The following MBNL1 variants were observed in gnomAD, a reference collection of about 807,000 sequenced individuals.
MBNL1 encodes muscleblind-like protein 1.
Under a neutral mutation model 42.2 loss-of-function variants are expected in MBNL1, and 8 were observed. The observed-to-expected ratio is 0.19, with a 90% confidence interval of 0.11 to 0.34. The LOEUF is 0.34. Ranked by LOEUF, MBNL1 falls within the 10% of genes least tolerant of loss-of-function variation. MBNL1 has a pLI of 1.00. For synonymous variants in MBNL1, 169 were observed against 173.9 expected (o/e 0.97, Z 0.22); for missense variants, 309 against 495.3 (o/e 0.62, Z 3.57).
intron 6 of MBNL1, among the ~76,000 whole-genome samples, chr3:152,449,788 G>C (rs1374004306): frequency 6.6e-6 from 1 of 152,096 alleles, no homozygotes; most frequent in Non-Finnish European, 1.5e-5. Flanking sequence ...TTGCATCAGA[G>C]ATATTCTATT....
At chr3:152,343,312 GAA>G (rs1491199266) in intron 2 of MBNL1, among the ~76,000 whole-genome samples, 1 of 152,140 alleles carries the variant, frequency 6.6e-6, no homozygotes, top group Admixed American at 6.6e-5. Context: ...CTCCAGTCCT[GAA>G]GAGAGAGAGA....
At chr3:152,390,542 G>C (rs2097666441) in intron 2 of MBNL1, among the ~76,000 whole-genome samples, 1 of 150,696 alleles carries the variant, frequency 6.6e-6, no homozygotes, top group African/African-American at 2.4e-5. Flanking sequence ...AAGTAGTATA[G>C]TAAATAAGTA....
intron 3 of MBNL1, among the ~76,000 whole-genome samples, chr3:152,428,742 C>A (rs1014111235): frequency 2.6e-5 from 4 of 152,258 alleles, no homozygotes; most frequent in African/African-American, 9.6e-5. Context: ...GTGGCCAGGG[C>A]ATTCACGGTT....
chr3:152,359,002 A>G (rs975964867), intron 2 of MBNL1, among the ~76,000 whole-genome samples: 13 of 152,196 alleles, frequency 8.5e-5, no homozygotes, highest in African/African-American at 1.2e-4. Flanking sequence ...TGAAGGGGAA[A>G]CAGTTTGACT....
intron 2 of MBNL1, among the ~76,000 whole-genome samples, chr3:152,361,813 A>G (rs1276382408): frequency 6.6e-6 from 1 of 152,220 alleles, no homozygotes; most frequent in Non-Finnish European, 1.5e-5. Flanking sequence ...ATTAAAAGTG[A>G]TTCAAAGGTG....
rs183461812 is a variant in MBNL1 at position 152,449,951 on chromosome 3, A to G, written c.961+2178A>G. ...GAAACCCCATCTCTACTAAAAATCCAAAAATTAGCCGGATGTGGTGATGCA... is the reference window on the plus strand; with the variant it reads ...GAAACCCCATCTCTACTAAAAATCCGAAAATTAGCCGGATGTGGTGATGCA... On this transcript the variant is annotated intron_variant, in intron 6 of 9. Transcript: ENST00000324210. Among the ~76,000 whole-genome samples the G allele has an allele frequency of 4.1e-3, 618 of 152,132 alleles. 3 individuals carry two copies. Among genetic ancestry groups the G allele is most frequent in the African/African-American group, 0.014 (591 of 41,512 alleles).
At chr3:152,338,533 C>T in intron 2 of MBNL1, 1 of 985,366 alleles carries the variant, frequency 1.0e-6, no homozygotes, top group Non-Finnish European at 1.2e-6. Context: ...TGAAACTTTC[C>T]TAGCCTGGAC....
chr3:152,421,391 C>T (rs751631613), intron 3 of MBNL1, among the ~76,000 whole-genome samples: 1 of 152,126 alleles, frequency 6.6e-6, no homozygotes, highest in African/African-American at 2.4e-5. Flanking sequence ...CCCCATGGAG[C>T]CCAACAAGCT....
chr3:152,300,183 A>G lies in MBNL1; in HGVS notation c.-11A>G, dbSNP rs1413395950. ...TTCACTGAAACATTTAACTACCTGT[A>G]AAATCTAAACATGGCTGTTAGTGTC... On this transcript the variant is annotated 5_prime_UTR_variant, in exon 2 of 10. Transcript: ENST00000324210. 3.2e-6 allele frequency: 5 copies of G among 1,552,420 alleles called. No individual in the cohort carries two copies. The highest frequency in any genetic ancestry group is 4.4e-6 in the Non-Finnish European group (5 of 1,141,846).
Position 152,312,191 on chromosome 3 carries a change from C to CAAA in MBNL1, c.174+11843_174+11845dup, listed in dbSNP as rs34750394. On this transcript the variant is annotated intron_variant, in intron 2 of 9. Coordinates refer to ENST00000324210, the MANE Select transcript of MBNL1 (RefSeq NM_021038.5). ...TGGGCGACAGAGCGAGACTCCGTCT[C>CAAA]AAAAAAAAAAAAAAAAAAAAAGAGA... Among the ~76,000 whole-genome samples, 30 of 47,334 alleles carry CAAA rather than the reference C, an allele frequency of 6.3e-4. 1 individual carries two copies. Among genetic ancestry groups the CAAA allele is most frequent in the South Asian group, 2.1e-3 (3 of 1,406 alleles). The allele number at this position is 47,334 out of a possible 152,430, so 31.1% of individuals were successfully genotyped here.
intron 1 of MBNL1, among the ~76,000 whole-genome samples, chr3:152,275,515 C>T (rs1401071985): frequency 1.3e-5 from 2 of 151,998 alleles, no homozygotes; most frequent in Non-Finnish European, 2.9e-5. Context: ...TTGAGGCCGT[C>T]TTGGCCAACA....
At chr3:152,272,316 G>C (rs1003578774) in intron 1 of MBNL1, among the ~76,000 whole-genome samples, 1 of 152,018 alleles carries the variant, frequency 6.6e-6, no homozygotes. Context: ...CTGCTATTTA[G>C]TTTAGAGATT....
At chr3:152,422,268 C>CAAAAAA (rs200584264) in intron 3 of MBNL1, among the ~76,000 whole-genome samples, 3 of 103,010 alleles carry the variant, frequency 2.9e-5, no homozygotes, top group African/African-American at 3.6e-5. Context: ...AAATGGAAAG[C>CAAAAAA]AAAAAAAAAA....
intron 2 of MBNL1, among the ~76,000 whole-genome samples, chr3:152,345,615 C>T (rs1417564077): frequency 1.3e-5 from 2 of 152,094 alleles, no homozygotes; most frequent in African/African-American, 4.8e-5. Flanking sequence ...GCTGTATAAA[C>T]TGCTCTGTGT....
rs2095884246 is a variant in MBNL1, at chr3:152,360,932, AT to A, written c.175-54006del. Among the ~76,000 whole-genome samples, 4 of 152,184 alleles carry A rather than the reference AT, an allele frequency of 2.6e-5. No homozygotes were observed. In the South Asian group the frequency reaches 8.3e-4, roughly 32 times the overall value. On this transcript the variant is annotated intron_variant, in intron 2 of 9. Transcript: ENST00000324210. ...ATAATTTTTGAAGATTTATTTCTTGATTTATTCATTCATCAAATATATATTA... is the reference window on the plus strand; with the variant it reads ...ATAATTTTTGAAGATTTATTTCTTGATTATTCATTCATCAAATATATATTA...
intron 9 of MBNL1, among the ~76,000 whole-genome samples, chr3:152,459,867 CT>C (rs5853586): frequency 0.42 from 59,578 of 143,330 alleles, 12,223 homozygotes; most frequent in African/African-American, 0.5. Context: ...TAGATTATCA[CT>C]TTTTTTTTTT....
At chr3:152,280,462 T>C (rs966004848) in intron 1 of MBNL1, among the ~76,000 whole-genome samples, 1 of 152,200 alleles carries the variant, frequency 6.6e-6, no homozygotes, top group African/African-American at 2.4e-5. Flanking sequence ...AGTATCATCC[T>C]GGACTAGACA....
chr3:152,328,542 G>C (rs1008835134), intron 2 of MBNL1, among the ~76,000 whole-genome samples: 1 of 152,022 alleles, frequency 6.6e-6, no homozygotes, highest in South Asian at 2.1e-4. Context: ...GCAAATTGTT[G>C]ACATATAATT....
chr3:152,455,743 A>G (rs16864291), intron 7 of MBNL1, among the ~76,000 whole-genome samples, 166 bp downstream of exon 7: 80 of 152,342 alleles, frequency 5.3e-4, no homozygotes, highest in African/African-American at 1.9e-3. Flanking sequence ...ATGGACTCAC[A>G]TAAGTGTTTT....
Sources: allele counts gnomAD v4.1 joint callset (sites outside exome capture counted in the v4.1 genomes callset), GRCh38; gene constraint gnomAD v4.1.1; transcripts MANE v1.5; gene names NCBI Gene and HGNC (gene_info 2026-07-23, HGNC 2026-07-21).